OLFM2: variants seen among roughly 807,000 people sequenced by gnomAD.
OLFM2 encodes noelin-2.
OLFM2 carries 20 observed loss-of-function variants against 43.9 expected under a neutral mutation model. That is an observed-to-expected ratio of 0.46 (90% CI 0.32 to 0.66). The LOEUF (loss-of-function observed/expected upper bound fraction) is 0.66, where lower values mean the gene tolerates loss of function less well. Among genes scored for constraint, OLFM2 ranks in the 30% least tolerant of loss-of-function variants. The pLI is 0.04. For synonymous variants in OLFM2, 268 were observed against 278.6 expected (o/e 0.96, Z 0.38); for missense variants, 416 against 643.6 (o/e 0.65, Z 3.83).
chr19:9,877,693 T>C (rs1419217558), intron 1 of OLFM2, among the ~76,000 whole-genome samples: 4 of 152,178 alleles, frequency 2.6e-5, no homozygotes, highest in Non-Finnish European at 4.4e-5. Flanking sequence ...CAGTGGGCTA[T>C]TGACAACAAG....
chr19:9,903,411 C>A (rs1290752003), intron 1 of OLFM2, among the ~76,000 whole-genome samples: 6 of 152,192 alleles, frequency 3.9e-5, no homozygotes, highest in Non-Finnish European at 8.8e-5. Context: ...ACATGTTAAT[C>A]ACACAGAAGC....
intron 1 of OLFM2, among the ~76,000 whole-genome samples, chr19:9,880,168 G>A (rs2046527524): frequency 1.3e-5 from 2 of 152,154 alleles, no homozygotes; most frequent in South Asian, 4.1e-4. Flanking sequence ...CTGGCCCAGA[G>A]CCTGGTTTTG....
intron 1 of OLFM2, chr19:9,913,729 GGCACGA>G (rs2046849612): frequency 9.7e-7 from 1 of 1,031,026 alleles, no homozygotes; most frequent in East Asian, 7.3e-5. Context: ...TGGGGGAGGG[GGCACGA>G]GCGCGAGCTG....
chr19:9,933,651 G>A lies in OLFM2; in HGVS notation c.63+2653C>T, dbSNP rs1322646321. ...GCTCACCGCAACCTCTGCCTCCCAGGTTCAAGCAATTCTCCTGCCTCAGCC... is the reference window on the plus strand; with the variant it reads ...GCTCACCGCAACCTCTGCCTCCCAGATTCAAGCAATTCTCCTGCCTCAGCC... On this transcript the variant is annotated intron_variant, in intron 1 of 5. Transcript: ENST00000264833. 4.7e-5 allele frequency among the ~76,000 whole-genome samples: 7 copies of A among 149,116 alleles called. 1 individual carries two copies. The South Asian group carries it at 1.3e-3, about 27-fold the overall frequency.
chr19:9,897,626 AG>A (rs2046697848), intron 1 of OLFM2, among the ~76,000 whole-genome samples: 1 of 152,204 alleles, frequency 6.6e-6, no homozygotes, highest in African/African-American at 2.4e-5. Flanking sequence ...CCATGACCTC[AG>A]GGGCTGAGCT....
chr19:9,915,236 TC>T (rs2046865481), intron 1 of OLFM2, among the ~76,000 whole-genome samples: 1 of 117,990 alleles, frequency 8.5e-6, no homozygotes, highest in African/African-American at 3.4e-5. Flanking sequence ...TTCTTTTCTC[TC>T]TCTTTTTTTT....
chr19:9,859,808 C>G (rs1422014827), intron 2 of OLFM2, among the ~76,000 whole-genome samples: 2 of 152,146 alleles, frequency 1.3e-5, no homozygotes, highest in African/African-American at 2.4e-5. Context: ...TTCCTTCCCC[C>G]CACCCCAATC....
At chr19:9,930,126 A>G (rs1040623453) in intron 1 of OLFM2, among the ~76,000 whole-genome samples, 2 of 152,194 alleles carry the variant, frequency 1.3e-5, no homozygotes, top group Admixed American at 1.3e-4. Flanking sequence ...TGATGATACA[A>G]GCATGTCCCT....
Position 9,936,409 on chromosome 19 carries a change from C to A in OLFM2, c.-43G>T. 8.2e-7 allele frequency: 1 copy of A among 1,223,190 alleles called. No individual in the cohort carries two copies. The highest frequency in any genetic ancestry group is 1.0e-6 in the Non-Finnish European group (1 of 981,636). 75.8% of individuals were successfully genotyped at this position (1,223,190 alleles called of 1,614,324 possible). On this transcript the variant is annotated 5_prime_UTR_variant, in exon 1 of 6. Transcript: ENST00000264833. The stretch of plus-strand genomic sequence containing the variant: ...GCGTCCCGACCCCCGCCCGCCCTAG[C>A]GGCGCCTCGGCGCGGGGACCGCCAC...
At chr19:9,917,545 G>C (rs1173413521) in intron 1 of OLFM2, among the ~76,000 whole-genome samples, 2 of 152,064 alleles carry the variant, frequency 1.3e-5, no homozygotes, top group Non-Finnish European at 2.9e-5. Context: ...GGGGTGGAGG[G>C]TGTTTTCTGA....
chr19:9,864,665 C>T (rs149097500), intron 1 of OLFM2, among the ~76,000 whole-genome samples: 88 of 151,304 alleles, frequency 5.8e-4, no homozygotes, highest in Middle Eastern at 3.4e-3. Context: ...CTGTCACCCA[C>T]CACTGGAGTG....
chr19:9,894,887 A>C (rs539029010), intron 1 of OLFM2, among the ~76,000 whole-genome samples: 1 of 152,112 alleles, frequency 6.6e-6, no homozygotes, highest in East Asian at 1.9e-4. Context: ...TCCAATGCAT[A>C]TATTCATCAT....
At position 9,854,878 on chromosome 19, in the gene OLFM2, G is replaced by C; in HGVS notation, c.688-15C>G. ...ATGTACCAGACCTATGGTAGCAGCC[G>C]CTGGTCACTGGGGGGAACCACCACC... On this transcript the variant is annotated splice_polypyrimidine_tract_variant and intron_variant, in intron 5 of 5. Transcript: ENST00000264833. The surrounding 1 kb of genome is among the most constrained non-coding windows in gnomAD (Gnocchi z 9.5). The C allele has an allele frequency of 6.5e-7, 1 of 1,547,436 alleles. No individual in the cohort carries two copies. The highest frequency in any genetic ancestry group is 2.3e-5 in the East Asian group (1 of 43,054).
chr19:9,878,203 G>A (rs756110943), intron 1 of OLFM2, among the ~76,000 whole-genome samples: 6 of 151,986 alleles, frequency 3.9e-5, no homozygotes, highest in African/African-American at 7.2e-5. Context: ...CAAACAGGCC[G>A]GGACACATAC....
At chr19:9,935,793 C>T (rs1290934017) in intron 1 of OLFM2, among the ~76,000 whole-genome samples, 2 of 151,828 alleles carry the variant, frequency 1.3e-5, no homozygotes, top group Non-Finnish European at 2.9e-5. Flanking sequence ...CACCCAACCA[C>T]GACACAAAGA....
At position 9,854,405 on chromosome 19, in the gene OLFM2, C is replaced by A. The variant is rs1431905476; in HGVS notation, c.1146G>T (p.Val382=). The change falls in exon 6 of 6, where the codon GTG becomes GTT. Residue 382 remains valine (V), a synonymous_variant. Transcript: ENST00000264833. This position sits in a 1 kb window ranked among gnomAD's most constrained non-coding sequence, Gnocchi z 9.5. ...EAFMICGVLY[V]TNSHLAGAKV... ...TGGCCCCAGCCAGGTGGGAGTTGGT[C>A]ACGTAGAGCACACCGCAGATCATGA... 6.2e-7 allele frequency: 1 copy of A among 1,614,040 alleles called. No individual in the cohort carries two copies. Among genetic ancestry groups the A allele is most frequent in the Admixed American group, 1.7e-5 (1 of 60,006 alleles).
chr19:9,933,715 C>G (rs2086498452), intron 1 of OLFM2, among the ~76,000 whole-genome samples: 1 of 151,714 alleles, frequency 6.6e-6, no homozygotes, highest in South Asian at 2.1e-4. Flanking sequence ...GCCACCACAC[C>G]CAGCTAATTT....
At chr19:9,907,076 T>G (rs1048948433) in intron 1 of OLFM2, among the ~76,000 whole-genome samples, 4 of 152,064 alleles carry the variant, frequency 2.6e-5, no homozygotes, top group Non-Finnish European at 4.4e-5. Context: ...GGAGCCCACC[T>G]CCATCTCCAG....
rs151249162 is a variant in OLFM2, at chr19:9,890,336, C to G, written c.64-29542G>C. ...CAGCTCAACAGAGACAGGGAGATCC[C>G]CCTGATGTATCTGAAGCTAAGGGAA... On this transcript the variant is annotated intron_variant, in intron 1 of 5. Coordinates refer to ENST00000264833, the MANE Select transcript of OLFM2 (RefSeq NM_058164.4). 3.3e-5 allele frequency among the ~76,000 whole-genome samples: 5 copies of G among 152,272 alleles called. No individual in the cohort carries two copies. The South Asian group carries it at 1.0e-3, about 32-fold the overall frequency.
Sources: allele counts gnomAD v4.1 joint callset (sites outside exome capture counted in the v4.1 genomes callset), GRCh38; gene constraint gnomAD v4.1.1; non-coding constraint Gnocchi (gnomAD v3.1); transcripts MANE v1.5; gene names NCBI Gene and HGNC (gene_info 2026-07-23, HGNC 2026-07-21).